Variants in CSDE1 observed in about 807,000 individuals in gnomAD.
CSDE1 encodes cold shock domain-containing protein E1.
Under a neutral mutation model 89.3 loss-of-function variants are expected in CSDE1, and 17 were observed. That is an observed-to-expected ratio of 0.19 (90% CI 0.13 to 0.29). The LOEUF is 0.29. Ranked by LOEUF, CSDE1 falls within the 10% of genes least tolerant of loss-of-function variation. The pLI is 1.00. For synonymous variants in CSDE1, 322 were observed against 332.8 expected (o/e 0.97, Z 0.35); for missense variants, 672 against 984.2 (o/e 0.68, Z 4.24).
Position 114,718,656 on chromosome 1 carries a change from C to T in CSDE1, c.2306G>A (p.Arg769His). ...CCTTGGCTGACGAAGAACCATTAGG[C>T]GAGGAGCACTGGCATCATCCAGAGT... is the stretch of plus-strand genomic sequence containing the variant. ...NITLDDASAP[R>H]LMVLRQPRGP... Residue 769 changes from arginine to histidine, a missense_variant, in exon 19 of 20, where the codon CGC becomes CAC. Coordinates refer to ENST00000358528, the MANE Select transcript of CSDE1 (RefSeq NM_001007553.3). 6.2e-7 allele frequency: 1 copy of T among 1,614,128 alleles called. No individual in the cohort carries two copies. Among genetic ancestry groups the T allele is most frequent in the Non-Finnish European group, 8.5e-7 (1 of 1,180,024 alleles).
At chr1:114,720,224 T>C (rs12120851) in intron 17 of CSDE1, 38,451 of 252,480 alleles carry the variant, frequency 0.15, 3,805 homozygotes, top group Non-Finnish European at 0.2. Flanking sequence ...GTTTGTGTGA[T>C]ATGCAAAAGA....
At chr1:114,718,868 C>G in intron 18 of CSDE1, 123 bp from the exon 19 acceptor site, 1 of 1,004,808 alleles carries the variant, frequency 1.0e-6, no homozygotes. Flanking sequence ...GGACTCTTGC[C>G]TCATATACCT....
rs1661711789 is a variant in CSDE1 at position 114,757,960 on chromosome 1, T to G, written c.-423A>C. ...CAGCGCCCCCTCTCCAGCGCCGCCA[T>G]AAGCAGCACGGCCCGGTACGTAGGA... On this transcript the variant is annotated 5_prime_UTR_variant, in exon 1 of 20. An upstream start codon of the reference 5' UTR is lost. Coordinates refer to ENST00000358528, the MANE Select transcript of CSDE1 (RefSeq NM_001007553.3). The G allele has an allele frequency of 6.5e-6, 1 of 152,830 alleles. No individual in the cohort carries two copies. The highest frequency in any genetic ancestry group is 2.1e-4 in the South Asian group (1 of 4,840). 9.5% of individuals were successfully genotyped at this position (152,830 alleles called of 1,614,324 possible). A position where few individuals can be genotyped will look rare whatever the true frequency, so the allele number is the denominator to read the frequency against.
chr1:114,730,235 C>A (rs1660027774), intron 12 of CSDE1, 23 bp downstream of exon 12: 3 of 1,607,812 alleles, frequency 1.9e-6, no homozygotes, highest in Admixed American at 1.7e-5. Flanking sequence ...CTACAAAAAT[C>A]ATTTGGATTA....
rs544026279 is a variant in CSDE1 at position 114,736,747 on chromosome 1, A to C, written c.500+11T>G. 213 of 1,578,244 alleles carry C rather than the reference A, an allele frequency of 1.3e-4. 1 individual carries two copies. In the South Asian group the frequency reaches 2.3e-3, roughly 17 times the overall value. On this transcript the variant is annotated intron_variant, in intron 6 of 19. Coordinates refer to ENST00000358528, the MANE Select transcript of CSDE1 (RefSeq NM_001007553.3). ...CGCTTAGGTGAGAAAATTTAAAAAA[A>C]AAGAACTTACTGTTTATTGTTATCA...
intron 11 of CSDE1, 34 bp from the exon 12 acceptor site, chr1:114,730,456 G>T: frequency 6.2e-7 from 1 of 1,609,762 alleles, no homozygotes; most frequent in Non-Finnish European, 8.5e-7. Flanking sequence ...ACTTTCAATT[G>T]AAAAAGAAAG....
At chr1:114,726,654 G>C (rs1659815904) in intron 13 of CSDE1, among the ~76,000 whole-genome samples, 1 of 152,122 alleles carries the variant, frequency 6.6e-6, no homozygotes. Flanking sequence ...TTAAGTATGA[G>C]AAAAAATGAA....
intron 3 of CSDE1, among the ~76,000 whole-genome samples, chr1:114,738,424 TAAC>T (rs1570931529): frequency 6.6e-6 from 1 of 152,148 alleles, no homozygotes; most frequent in South Asian, 2.1e-4. Flanking sequence ...TGAGATGACT[TAAC>T]AATCATAACC....
In CSDE1 at chr1:114,720,202, C is replaced by T. The variant is rs571234553; in HGVS notation, c.2052+337G>A. 7.9e-5 allele frequency: 18 copies of T among 226,546 alleles called. No homozygotes were observed. In the South Asian group the frequency reaches 9.9e-4, roughly 12 times the overall value. 14.0% of individuals were successfully genotyped at this position (226,546 alleles called of 1,614,324 possible). A position where few individuals can be genotyped will look rare whatever the true frequency, so the allele number is the denominator to read the frequency against. On this transcript the variant is annotated intron_variant, in intron 17 of 19. Transcript: ENST00000358528. ...AGCTTATTTTTTAAGTACTTTTGAA[C>T]GTGGTTTCTGTGTTTGTGTGATATG...
At chr1:114,721,884 C>CTTT (rs77950889) in intron 16 of CSDE1, among the ~76,000 whole-genome samples, 2 of 128,166 alleles carry the variant, frequency 1.6e-5, no homozygotes, top group African/African-American at 5.8e-5. Flanking sequence ...CCACACCTGA[C>CTTT]TTTTTTTTTT....
chr1:114,750,023 G>A lies in CSDE1; in HGVS notation c.-203C>T, dbSNP rs1045493523. On this transcript the variant is annotated 5_prime_UTR_variant, in exon 2 of 20. It adds an upstream start codon to the 5' untranslated region. Transcript: ENST00000358528. ...GAAGAAAACAAAGACTACTAGCAGC[G>A]TTGGGAAGTGCTCTTTCAAAGCTGT... 6.6e-6 allele frequency: 1 copy of A among 152,652 alleles called. No individual in the cohort carries two copies. Among genetic ancestry groups the A allele is most frequent in the Non-Finnish European group, 1.5e-5 (1 of 68,050 alleles). The allele number at this position is 152,652 out of a possible 1,614,324, so 9.5% of individuals were successfully genotyped here. A position where few individuals can be genotyped will look rare whatever the true frequency, so the allele number is the denominator to read the frequency against.
chr1:114,746,820 T>G (rs186597127), intron 2 of CSDE1: 99 of 152,340 alleles, frequency 6.5e-4, no homozygotes, highest in African/African-American at 2.3e-3. Flanking sequence ...TCTGGGGTTT[T>G]TGCTAGGGAT....
Position 114,734,040 on chromosome 1 carries a change from T to C in CSDE1, c.660A>G (p.Leu220=). 1 of 1,613,540 alleles carries C rather than the reference T, an allele frequency of 6.2e-7. No homozygotes were observed. Among genetic ancestry groups the C allele is most frequent in the Non-Finnish European group, 8.5e-7 (1 of 1,179,974 alleles). ...CATCATCGCCAGGCTGTAAGGTTTC[T>C]AAGTCACCCTTAAATTCACTATAGT... The part of the protein sequence containing the change: ...FFHYSEFKGD[L]ETLQPGDDVE... The change falls in exon 8 of 20, where the codon TTA becomes TTG. Residue 220 remains leucine (L), a synonymous_variant. Coordinates refer to ENST00000358528, the MANE Select transcript of CSDE1 (RefSeq NM_001007553.3).
rs1659277969 is a variant in CSDE1 at position 114,717,934 on chromosome 1, T to C, written c.*235A>G. On this transcript the variant is annotated 3_prime_UTR_variant, in exon 20 of 20. Transcript: ENST00000358528. ...AATAAAGCTCCTAAAATTGATACTA[T>C]AAGGCGCCACCTTAAGTTTTTCCAG... The C allele has an allele frequency of 2.0e-6, 1 of 503,310 alleles. No individual in the cohort carries two copies. Among genetic ancestry groups the C allele is most frequent in the South Asian group, 3.3e-5 (1 of 30,496 alleles). The allele number at this position is 503,310 out of a possible 1,614,324, so 31.2% of individuals were successfully genotyped here. A position where few individuals can be genotyped will look rare whatever the true frequency, so the allele number is the denominator to read the frequency against.
At chr1:114,740,536 C>T (rs1346123059) in intron 2 of CSDE1, among the ~76,000 whole-genome samples, 1 of 152,166 alleles carries the variant, frequency 6.6e-6, no homozygotes, top group Non-Finnish European at 1.5e-5. Context: ...TTTAAAAATG[C>T]TGAATCATTT....
intron 2 of CSDE1, chr1:114,741,465 A>C (rs1219129100): frequency 3.5e-6 from 5 of 1,427,702 alleles, no homozygotes; most frequent in Non-Finnish European, 4.7e-6. Flanking sequence ...ATGAGTGGCA[A>C]TCCTAGGTCA....
chr1:114,733,585 T>C, intron 9 of CSDE1, 147 bp downstream of exon 9: 1 of 564,352 alleles, frequency 1.8e-6, no homozygotes, highest in East Asian at 3.4e-5. Flanking sequence ...TGGTTTCTCT[T>C]TTAGTTTAAA....
rs1332144671 is a variant in CSDE1 at position 114,719,563 on chromosome 1, C to A, written c.2216+16G>T. 6.2e-7 allele frequency: 1 copy of A among 1,609,520 alleles called. No individual in the cohort carries two copies. Among genetic ancestry groups the A allele is most frequent in the Admixed American group, 1.7e-5 (1 of 58,806 alleles). On this transcript the variant is annotated intron_variant, in intron 18 of 19. Coordinates refer to ENST00000358528, the MANE Select transcript of CSDE1 (RefSeq NM_001007553.3). Reference sequence around the variant, plus strand: ...TCCAGGGTAGTTACTAATCAAACCACAACAACAAAACTCACCAGACTCGCC... The same window carrying A: ...TCCAGGGTAGTTACTAATCAAACCAAAACAACAAAACTCACCAGACTCGCC...
intron 2 of CSDE1, among the ~76,000 whole-genome samples, chr1:114,744,169 T>G (rs1178821675): frequency 6.6e-6 from 1 of 152,142 alleles, no homozygotes; most frequent in African/African-American, 2.4e-5. Flanking sequence ...AAGGACCCAG[T>G]AGGTAAATGT....
Sources: gnomAD v4.1 joint callset for allele counts (sites outside exome capture counted in the v4.1 genomes callset) on GRCh38, gnomAD v4.1.1 for gene constraint, MANE v1.5 for transcripts, NCBI Gene and HGNC (gene_info 2026-07-23, HGNC 2026-07-21) for gene names.